The following SORBS2 variants were observed in gnomAD, a reference collection of about 807,000 sequenced individuals.
SORBS2 encodes sorbin and SH3 domain-containing protein 2.
SORBS2 carries 46 observed loss-of-function variants against 97.7 expected under a neutral mutation model. The ratio of observed to expected loss-of-function variants is 0.47; its 90% CI spans 0.37 to 0.60. The LOEUF (loss-of-function observed/expected upper bound fraction) is 0.60, where lower values mean the gene tolerates loss of function less well. Ranked by LOEUF, SORBS2 falls within the 20% of genes least tolerant of loss-of-function variation. The pLI, the probability that SORBS2 is intolerant of heterozygous loss-of-function variation, is 0.00. For missense variants in SORBS2, 1,316 were observed against 1,282.3 expected (o/e 1.03, Z -0.40); for synonymous variants, 476 against 473.4 (o/e 1.01, Z -0.07).
At chr4:185,880,786 C>G (rs545680678) in intron 1 of SORBS2, among the ~76,000 whole-genome samples, 49 of 152,162 alleles carry the variant, frequency 3.2e-4, no homozygotes, top group Admixed American at 9.2e-4. Flanking sequence ...AGCTCATAGG[C>G]TGGAAGCAAA....
chr4:185,909,923 G>T (rs1379452273), intron 1 of SORBS2, among the ~76,000 whole-genome samples: 1 of 148,808 alleles, frequency 6.7e-6, no homozygotes, highest in Admixed American at 6.8e-5. Context: ...GGCGGAGGTT[G>T]AAGTGAGCTG....
At chr4:185,620,255 G>A (rs1423630907) in intron 7 of SORBS2, 104 bp from the exon 20 acceptor site, 2 of 765,142 alleles carry the variant, frequency 2.6e-6, no homozygotes, top group African/African-American at 3.4e-5. Context: ...CCCAAATTTG[G>A]AGAGACACCG....
At position 185,709,320 on chromosome 4, in the gene SORBS2, T is replaced by TTTTTTTTTTTTTTTTC. The variant is rs1181008953; in HGVS notation, c.-197-30499_-197-30498insGAAAAAAAAAAAAAAA. On this transcript the variant is annotated intron_variant, in intron 2 of 20. Transcript: ENST00000284776. The stretch of plus-strand genomic sequence containing the variant: ...TGGCCAAATCTTTTTTTTTTTTTTT[T>TTTTTTTTTTTTTTTTC]TTTTAGTAAAAGGAAACTAAAGTTA... Among the ~76,000 whole-genome samples the TTTTTTTTTTTTTTTTC allele has an allele frequency of 3.7e-3, 521 of 140,896 alleles. 19 individuals are homozygous for TTTTTTTTTTTTTTTTC. The highest frequency in any genetic ancestry group is 0.013 in the African/African-American group (494 of 37,656). The allele number at this position is 140,896 out of a possible 152,430, so 92.4% of individuals were successfully genotyped here.
At chr4:185,923,633 G>C (rs544157948) in intron 1 of SORBS2, among the ~76,000 whole-genome samples, 14 of 151,794 alleles carry the variant, frequency 9.2e-5, no homozygotes, top group South Asian at 2.1e-4. Context: ...CCAAATTTGT[G>C]AAACTCCACT....
chr4:185,879,948 C>T (rs529454883), intron 1 of SORBS2, among the ~76,000 whole-genome samples: 1 of 152,226 alleles, frequency 6.6e-6, no homozygotes, highest in South Asian at 2.1e-4. Flanking sequence ...AGCAGATTTC[C>T]GGGACACGGC....
intron 2 of SORBS2, among the ~76,000 whole-genome samples, chr4:185,751,190 A>AAAAAAAAAAAAACAAAAAG: frequency 1.2e-5 from 1 of 86,426 alleles, no homozygotes; most frequent in Non-Finnish European, 2.5e-5. Flanking sequence ...AAAAAAAAAA[A>AAAAAAAAAAAAACAAAAAG]AGAGAAAGAG....
chr4:185,720,881 G>A (rs1035091841), intron 2 of SORBS2, among the ~76,000 whole-genome samples: 8 of 152,012 alleles, frequency 5.3e-5, no homozygotes, highest in African/African-American at 1.9e-4. Context: ...TTCCAGCCAC[G>A]GCTCCGACAC....
chr4:185,632,128 A>T (rs930040885), intron 4 of SORBS2, among the ~76,000 whole-genome samples: 1 of 152,242 alleles, frequency 6.6e-6, no homozygotes, highest in Non-Finnish European at 1.5e-5. Flanking sequence ...ATTAGCACCA[A>T]TTAATCAATT....
chr4:185,733,675 C>T (rs1193079465), intron 2 of SORBS2, among the ~76,000 whole-genome samples: 1 of 152,176 alleles, frequency 6.6e-6, no homozygotes. Context: ...CGCTTTAGGA[C>T]AAGGGGATCA....
intron 12 of SORBS2, among the ~76,000 whole-genome samples, chr4:185,608,566 A>T (rs2096476474): frequency 6.6e-6 from 1 of 152,268 alleles, no homozygotes; most frequent in Non-Finnish European, 1.5e-5. Context: ...AGTAAATGAA[A>T]CAATACATTT....
At chr4:185,760,942 G>C (rs752476572) in intron 2 of SORBS2, among the ~76,000 whole-genome samples, 1 of 152,168 alleles carries the variant, frequency 6.6e-6, no homozygotes, top group African/African-American at 2.4e-5. Context: ...TTAAATGATT[G>C]CTATTTCAGT....
chr4:185,858,497 AATC>A (rs1447058100), intron 1 of SORBS2, among the ~76,000 whole-genome samples: 1 of 152,180 alleles, frequency 6.6e-6, no homozygotes, highest in African/African-American at 2.4e-5. Context: ...AGCAGAAAAA[AATC>A]ATGGTAAAAT....
chr4:185,597,798 C>G lies in SORBS2; in HGVS notation c.2797-3863G>C, dbSNP rs529475975. 3.9e-5 allele frequency among the ~76,000 whole-genome samples: 6 copies of G among 152,306 alleles called. No individual in the cohort carries two copies. The East Asian group carries it at 1.2e-3, about 29-fold the overall frequency. ...GTCGCCACCTAGTGGTGAGCAATGG[C>G]AGCAACAAGCTGAGAGTTGTTTCTG... On this transcript the variant is annotated intron_variant, in intron 12 of 14. Coordinates refer to ENST00000418609, the Ensembl canonical transcript of SORBS2.
intron 1 of SORBS2, among the ~76,000 whole-genome samples, chr4:185,786,819 G>A (rs888640034): frequency 1.2e-4 from 19 of 152,208 alleles, no homozygotes; most frequent in South Asian, 2.1e-4. Context: ...AAAACTAGCC[G>A]TGTGTGGTGG....
intron 2 of SORBS2, among the ~76,000 whole-genome samples, chr4:185,692,425 G>A (rs2098114508): frequency 6.6e-6 from 1 of 152,152 alleles, no homozygotes; most frequent in African/African-American, 2.4e-5. Context: ...AGATTTTTTA[G>A]TCTCTAAAAA....
intron 1 of SORBS2, among the ~76,000 whole-genome samples, chr4:185,919,963 A>G (rs933306145): frequency 3.9e-5 from 6 of 152,278 alleles, no homozygotes; most frequent in African/African-American, 1.4e-4. Flanking sequence ...ATTAGTTGTT[A>G]GTATGCCATC....
chr4:185,873,841 T>C (rs1042541273), intron 1 of SORBS2, among the ~76,000 whole-genome samples: 11 of 152,184 alleles, frequency 7.2e-5, no homozygotes, highest in Non-Finnish European at 1.3e-4. Context: ...AAATATAACA[T>C]GAACATTTAT....
chr4:185,806,364 A>T (rs954192852), intron 1 of SORBS2, among the ~76,000 whole-genome samples: 2 of 150,676 alleles, frequency 1.3e-5, no homozygotes, highest in African/African-American at 4.9e-5. Context: ...AACACTTGCC[A>T]TTCTTCATGG....
chr4:185,754,612 C>T (rs13114395), intron 2 of SORBS2, among the ~76,000 whole-genome samples: 48,386 of 151,992 alleles, frequency 0.32, 8,104 homozygotes, highest in African/African-American at 0.4. Context: ...TGTGTACAGT[C>T]GGCCAACTAC....
Sources: allele counts gnomAD v4.1 joint callset (sites outside exome capture counted in the v4.1 genomes callset), GRCh38; gene constraint gnomAD v4.1.1; transcripts MANE v1.5; gene names NCBI Gene and HGNC (gene_info 2026-07-23, HGNC 2026-07-21).